Variants in SORL1 observed in about 807,000 individuals in gnomAD.
SORL1 encodes sortilin related receptor 1.
Under a neutral mutation model 273.7 loss-of-function variants are expected in SORL1, and 127 were observed. The ratio of observed to expected loss-of-function variants is 0.46; its 90% CI spans 0.40 to 0.54. The LOEUF (loss-of-function observed/expected upper bound fraction) is 0.54. Among genes scored for constraint, SORL1 ranks in the 20% least tolerant of loss-of-function variants. The pLI is 0.00. For synonymous variants in SORL1, 1,031 were observed against 1,067.4 expected (o/e 0.97, Z 0.66); for missense variants, 2,494 against 2,846.1 (o/e 0.88, Z 2.81).
chr11:121,621,908 A>C (rs1364270619), intron 44 of SORL1, among the ~76,000 whole-genome samples: 1 of 152,160 alleles, frequency 6.6e-6, no homozygotes, highest in Non-Finnish European at 1.5e-5. Context: ...TTGTTTTTGT[A>C]CACACTTGGT....
At chr11:121,613,514 G>C (rs893217253) in intron 40 of SORL1, among the ~76,000 whole-genome samples, 1 of 152,120 alleles carries the variant, frequency 6.6e-6, no homozygotes, top group African/African-American at 2.4e-5. Flanking sequence ...GCCTTATAAA[G>C]TAGAGACTAC....
Position 121,542,813 on chromosome 11 carries a change from A to G in SORL1, c.1686-735A>G, listed in dbSNP as rs1383636544. On this transcript the variant is annotated intron_variant, in intron 12 of 47. Coordinates refer to ENST00000260197, the MANE Select transcript of SORL1 (RefSeq NM_003105.6). ...TTGCAGTGGGGATAATTTTTCTGTA[A>G]TTATATTATATTATATTATAATATA... Among the ~76,000 whole-genome samples the G allele has an allele frequency of 2.3e-5, 3 of 128,794 alleles. No homozygotes were observed. In the Admixed American group the frequency reaches 2.6e-4, roughly 11 times the overall value. The allele number at this position is 128,794 out of a possible 152,430, so 84.5% of individuals were successfully genotyped here. A position where few individuals can be genotyped will look rare whatever the true frequency, so the allele number is the denominator to read the frequency against.
intron 12 of SORL1, among the ~76,000 whole-genome samples, chr11:121,542,012 C>T (rs1453953870): frequency 2.0e-5 from 3 of 152,190 alleles, no homozygotes; most frequent in Non-Finnish European, 2.9e-5. Context: ...GAAACCTTCA[C>T]CTAGAGTCAC....
chr11:121,549,497 G>A (rs1231992974), intron 14 of SORL1, among the ~76,000 whole-genome samples: 2 of 152,146 alleles, frequency 1.3e-5, no homozygotes, highest in African/African-American at 4.8e-5. Flanking sequence ...AAAGTGTTGG[G>A]ATTACAGGCG....
intron 3 of SORL1, among the ~76,000 whole-genome samples, chr11:121,485,652 G>A (rs1212466707): frequency 2.6e-5 from 4 of 152,204 alleles, no homozygotes; most frequent in African/African-American, 9.7e-5. Flanking sequence ...AGGAAGCCAT[G>A]GAACAGATTT....
Position 121,496,971 on chromosome 11 carries a change from G to T in SORL1, c.861G>T (p.Arg287=). 2 of 1,614,126 alleles carry T rather than the reference G, an allele frequency of 1.2e-6. No individual in the cohort carries two copies. Among genetic ancestry groups the T allele is most frequent in the South Asian group, 2.2e-5 (2 of 91,082 alleles). The change falls in exon 6 of 48, where the codon CGG becomes CGT. Residue 287 remains arginine (R), a synonymous_variant. Coordinates refer to ENST00000260197, the MANE Select transcript of SORL1 (RefSeq NM_003105.6). ...GAAGTACAGATTTCTTCCAGTCCCG[G>T]GAAAACCAGGAAGTGATCCTTGAGG... ...VFRSTDFFQS[R]ENQEVILEEV... is the part of the protein sequence containing the mutation.
chr11:121,495,336 T>A (rs1244526829), intron 5 of SORL1, among the ~76,000 whole-genome samples: 1 of 152,148 alleles, frequency 6.6e-6, no homozygotes, highest in Admixed American at 6.5e-5. Flanking sequence ...TCCCCCTCCC[T>A]ACCCTGGCCT....
intron 32 of SORL1, among the ~76,000 whole-genome samples, chr11:121,603,375 C>T (rs1201025177): frequency 6.6e-6 from 1 of 152,222 alleles, no homozygotes; most frequent in East Asian, 1.9e-4. Context: ...CAGATTTGTA[C>T]CACCCAGGTA....
At chr11:121,475,987 C>G (rs962127625) in intron 2 of SORL1, among the ~76,000 whole-genome samples, 52 of 152,306 alleles carry the variant, frequency 3.4e-4, no homozygotes, top group Middle Eastern at 3.4e-3. Context: ...AAAGGTGAGA[C>G]TAACTCCGGT....
At chr11:121,473,749 G>T (rs1243485151) in intron 2 of SORL1, among the ~76,000 whole-genome samples, 1 of 152,172 alleles carries the variant, frequency 6.6e-6, no homozygotes, top group Non-Finnish European at 1.5e-5. Context: ...ATAAAAATTA[G>T]CCAGGCGTGG....
intron 8 of SORL1, among the ~76,000 whole-genome samples, chr11:121,519,836 G>C (rs890629597): frequency 6.6e-6 from 1 of 152,176 alleles, no homozygotes; most frequent in Non-Finnish European, 1.5e-5. Flanking sequence ...TGATGTAATA[G>C]ATGTGACTCT....
Position 121,520,655 on chromosome 11 carries a change from A to T in SORL1, c.1212-2A>T. On this transcript the variant is annotated splice_acceptor_variant, in intron 8 of 47. Coordinates refer to ENST00000260197, the MANE Select transcript of SORL1 (RefSeq NM_003105.6). LOFTEE classifies it high-confidence loss of function. ...TCATAGCTGTTTATTTTCATATTGTAGGTATTTTGCAAATGAACCATTTGC... is the reference window on the plus strand; with the variant it reads ...TCATAGCTGTTTATTTTCATATTGTTGGTATTTTGCAAATGAACCATTTGC... The T allele has an allele frequency of 6.4e-7, 1 of 1,555,212 alleles. No homozygotes were observed. The highest frequency in any genetic ancestry group is 8.7e-7 in the Non-Finnish European group (1 of 1,148,812).
intron 33 of SORL1, among the ~76,000 whole-genome samples, chr11:121,604,630 A>G (rs928122590): frequency 1.3e-5 from 2 of 151,998 alleles, no homozygotes; most frequent in African/African-American, 2.4e-5. Flanking sequence ...TGGTGGGATT[A>G]ACTCAGTTCT....
chr11:121,499,665 G>A (rs1032265883), intron 6 of SORL1, among the ~76,000 whole-genome samples: 3 of 152,184 alleles, frequency 2.0e-5, no homozygotes, highest in African/African-American at 7.2e-5. Flanking sequence ...ACTGCTAAAC[G>A]ACAAGGATAA....
chr11:121,486,052 C>T (rs139445910), intron 3 of SORL1, among the ~76,000 whole-genome samples: 4 of 152,224 alleles, frequency 2.6e-5, no homozygotes, highest in Non-Finnish European at 5.9e-5. Flanking sequence ...TGGTCCACAC[C>T]GAGGCTGTGG....
intron 2 of SORL1, among the ~76,000 whole-genome samples, chr11:121,477,426 C>A (rs1045439956): frequency 1.3e-5 from 2 of 152,204 alleles, no homozygotes; most frequent in Non-Finnish European, 2.9e-5. Flanking sequence ...CGTTCCATTC[C>A]CCTCAGCTAG....
At chr11:121,534,746 G>T (rs769823320) in intron 12 of SORL1, among the ~76,000 whole-genome samples, 1 of 152,190 alleles carries the variant, frequency 6.6e-6, no homozygotes, top group African/African-American at 2.4e-5. Flanking sequence ...GACTACAATG[G>T]TGATTTACTG....
Position 121,497,122 on chromosome 11 carries a change from A to C in SORL1, c.939+73A>C, listed in dbSNP as rs1861643878. On this transcript the variant is annotated intron_variant, in intron 6 of 47. Coordinates refer to ENST00000260197, the MANE Select transcript of SORL1 (RefSeq NM_003105.6). ...GAAGTTTGGCATTCTGTGATTAAAC[A>C]GGTGAGTTTGCATACACAGGAATTG... The C allele has an allele frequency of 6.0e-6, 8 of 1,323,040 alleles. No individual in the cohort carries two copies. The South Asian group carries it at 9.0e-5, about 15-fold the overall frequency. The allele number at this position is 1,323,040 out of a possible 1,614,324, so 82.0% of individuals were successfully genotyped here.
chr11:121,490,459 G>A (rs530440801), intron 5 of SORL1, among the ~76,000 whole-genome samples: 1 of 151,876 alleles, frequency 6.6e-6, no homozygotes, highest in Non-Finnish European at 1.5e-5. Flanking sequence ...CATGCATTTC[G>A]CTGGGTGCAG....
Sources: allele counts gnomAD v4.1 joint callset (sites outside exome capture counted in the v4.1 genomes callset), GRCh38; gene constraint gnomAD v4.1.1; transcripts MANE v1.5; gene names NCBI Gene and HGNC (gene_info 2026-07-23, HGNC 2026-07-21).